The following KANK1 variants were observed in gnomAD, a reference collection of about 807,000 sequenced individuals.
The protein encoded by KANK1 is KN motif and ankyrin repeat domain-containing protein 1.
In KANK1, 109 loss-of-function variants were observed where a neutral mutation model predicts 106.2. The ratio of observed to expected loss-of-function variants is 1.03; its 90% CI spans 0.88 to 1.20. The LOEUF is 1.20. Among genes scored for constraint, KANK1 ranks in the 50% most tolerant of loss-of-function variants. The probability of loss-of-function intolerance (pLI) is 0.00; values close to 1 mark genes in which losing one functional copy is unlikely to be tolerated. For synonymous variants in KANK1, 873 were observed against 652.2 expected, an observed-to-expected ratio of 1.34 and a Z score of -5.16; for missense variants, 2,399 against 1,710.7, an observed-to-expected ratio of 1.40 and a Z score of -7.10.
chr9:594,746 T>A (rs533188026), intron 1 of KANK1, among the ~76,000 whole-genome samples: 2 of 151,784 alleles, frequency 1.3e-5, no homozygotes, highest in African/African-American at 4.9e-5. Flanking sequence ...TTCTAGAATT[T>A]AAAAAAATTA....
In KANK1 at chr9:610,330, T is replaced by C. The variant is rs937185076; in HGVS notation, c.-83-66560T>C. ...TTCTCACTGAACTTCAGTCCTGCTC[T>C]CCAAAGTGAACCATGATGAGACCTT... On this transcript the variant is annotated intron_variant, in intron 1 of 11. Transcript: ENST00000382297. Among the ~76,000 whole-genome samples the C allele has an allele frequency of 2.6e-5, 4 of 152,176 alleles. No individual in the cohort carries two copies. The South Asian group carries it at 6.2e-4, about 24-fold the overall frequency.
intron 1 of KANK1, among the ~76,000 whole-genome samples, chr9:511,177 C>G (rs1458618730): frequency 1.3e-5 from 2 of 152,132 alleles, no homozygotes; most frequent in Non-Finnish European, 2.9e-5. Context: ...GGGATTTGGC[C>G]TTGAAAAATG....
At chr9:619,671 G>A (rs1179484384) in intron 1 of KANK1, among the ~76,000 whole-genome samples, 1 of 152,162 alleles carries the variant, frequency 6.6e-6, no homozygotes, top group East Asian at 1.9e-4. Context: ...GCAGAATGCA[G>A]ATGTTCGTAG....
At chr9:613,926 A>G (rs927159626) in intron 1 of KANK1, among the ~76,000 whole-genome samples, 1 of 152,130 alleles carries the variant, frequency 6.6e-6, no homozygotes, top group African/African-American at 2.4e-5. Context: ...AAAGGATCTC[A>G]TTTCTGCGCC....
At position 519,425 on chromosome 9, in the gene KANK1, G is replaced by A. The variant is rs544966219; in HGVS notation, c.-84+14671G>A. Reference sequence around the variant, plus strand: ...ATTTTCATAGGAGTAGCTATGAGAGGAGTCTTAACTTTGGGTATTGTTTTT... The same window carrying A: ...ATTTTCATAGGAGTAGCTATGAGAGAAGTCTTAACTTTGGGTATTGTTTTT... On this transcript the variant is annotated intron_variant, in intron 1 of 11. Coordinates refer to ENST00000382297, the MANE Select transcript of KANK1 (RefSeq NM_015158.5). 5.3e-4 allele frequency among the ~76,000 whole-genome samples: 81 copies of A among 151,616 alleles called. 1 individual carries two copies. Among genetic ancestry groups the A allele is most frequent in the Middle Eastern group, 3.4e-3 (1 of 294 alleles).
At chr9:522,224 T>C (rs2059585774) in intron 1 of KANK1, among the ~76,000 whole-genome samples, 1 of 151,860 alleles carries the variant, frequency 6.6e-6, no homozygotes, top group Non-Finnish European at 1.5e-5. Context: ...TCCCTTTTGC[T>C]GAATTTATTT....
At chr9:523,357 T>C (rs2059635510) in intron 1 of KANK1, among the ~76,000 whole-genome samples, 1 of 151,760 alleles carries the variant, frequency 6.6e-6, no homozygotes, top group Non-Finnish European at 1.5e-5. Context: ...TTCAAATATA[T>C]GTAGAATCTG....
chr9:693,425 T>C, intron 2 of KANK1: 1 of 985,428 alleles, frequency 1.0e-6, no homozygotes, highest in Non-Finnish European at 1.2e-6. Context: ...CTTCCTAGAA[T>C]TAACAGGCTT....
chr9:551,732 T>G (rs545440157), intron 1 of KANK1, among the ~76,000 whole-genome samples: 111 of 152,110 alleles, frequency 7.3e-4, no homozygotes, highest in African/African-American at 2.6e-3. Flanking sequence ...ACCATCGGTG[T>G]TGTTATAATG....
intron 1 of KANK1, among the ~76,000 whole-genome samples, chr9:645,763 T>C (rs1839535475): frequency 6.6e-6 from 1 of 150,560 alleles, no homozygotes; most frequent in African/African-American, 2.5e-5. Context: ...CATGCACCTG[T>C]AATCCTGACC....
At chr9:629,660 G>T (rs1424884723) in intron 1 of KANK1, among the ~76,000 whole-genome samples, 2 of 152,166 alleles carry the variant, frequency 1.3e-5, no homozygotes, top group Non-Finnish European at 2.9e-5. Flanking sequence ...CCTTCTCCCA[G>T]AGGAGATCTC....
chr9:707,062 G>A (rs1428551584), intron 2 of KANK1: 5 of 985,488 alleles, frequency 5.1e-6, no homozygotes, highest in Non-Finnish European at 6.0e-6. Flanking sequence ...CACTGCAGCC[G>A]GAGGGAGACC....
chr9:650,143 A>G (rs1419630523), intron 1 of KANK1, among the ~76,000 whole-genome samples: 1 of 152,192 alleles, frequency 6.6e-6, no homozygotes. Flanking sequence ...CAATCCCAAT[A>G]TTTTCATTGC....
intron 3 of KANK1, among the ~76,000 whole-genome samples, chr9:479,533 C>T (rs1242945201): frequency 6.6e-6 from 1 of 152,202 alleles, no homozygotes; most frequent in African/African-American, 2.4e-5. Context: ...TTAGATGTGA[C>T]TCACTGCAGG....
At position 712,713 on chromosome 9, in the gene KANK1, C is replaced by T. The variant is rs780911400; in HGVS notation, c.1947C>T (p.Gly649=). 21 of 1,613,928 alleles carry T rather than the reference C, an allele frequency of 1.3e-5. No individual in the cohort carries two copies. In the East Asian group the frequency reaches 2.9e-4, roughly 22 times the overall value. ...CTCCAAAGGAGTGCGCCTCCCGGGG[C>T]GTGAACACTGAGGCTGTTAGCCAGG... ...VCSPKECASR[G]VNTEAVSQVE... is the part of the protein sequence containing the mutation. Residue 649 remains glycine, a synonymous_variant, in exon 3 of 12, where the codon GGC becomes GGT. Coordinates refer to ENST00000382297, the MANE Select transcript of KANK1 (RefSeq NM_015158.5).
At chr9:503,242 GGGGT>G (rs1259197184), upstream of KANK1, among the ~76,000 whole-genome samples, 1 of 151,982 alleles carries the variant, frequency 6.6e-6, no homozygotes, top group Non-Finnish European at 1.5e-5. Context: ...CATTTGGGGC[GGGGT>G]GGTGGTGGTG....
chr9:499,837 C>T (rs1210484267), upstream of KANK1, among the ~76,000 whole-genome samples: 1 of 152,054 alleles, frequency 6.6e-6, no homozygotes, highest in African/African-American at 2.4e-5. Context: ...CCCAAAGATG[C>T]AATTAGAGAT....
chr9:554,406 G>C lies in KANK1; in HGVS notation c.-84+49652G>C, dbSNP rs1462881586. The stretch of plus-strand genomic sequence containing the variant: ...CTATTCTGGCCCTCACTGATTGGAT[G>C]ACACCCATCCACACTGATGAGCATC... On this transcript the variant is annotated intron_variant, in intron 1 of 11. Transcript: ENST00000382297. Among the ~76,000 whole-genome samples, 3 of 152,136 alleles carry C rather than the reference G, an allele frequency of 2.0e-5. No homozygotes were observed. In the East Asian group the frequency reaches 5.8e-4, roughly 29 times the overall value.
chr9:705,638 C>T (rs1408936796), intron 2 of KANK1, among the ~76,000 whole-genome samples: 1 of 151,566 alleles, frequency 6.6e-6, no homozygotes, highest in African/African-American at 2.4e-5. Context: ...GCTCTTGTTG[C>T]CCAGGCTGGA....
Sources: allele counts gnomAD v4.1 joint callset (sites outside exome capture counted in the v4.1 genomes callset), GRCh38; gene constraint gnomAD v4.1.1; transcripts MANE v1.5; gene names NCBI Gene and HGNC (gene_info 2026-07-23, HGNC 2026-07-21).